Variants in NECTIN2 observed in about 807,000 individuals in gnomAD.
NECTIN2 encodes nectin cell adhesion molecule 2.
Under a neutral mutation model 56.9 loss-of-function variants are expected in NECTIN2, and 23 were observed. The observed-to-expected ratio is 0.40, with a 90% confidence interval of 0.29 to 0.57. The LOEUF is 0.57. NECTIN2 is among the 20% of genes least tolerant of loss of function. The pLI is 0.38. For synonymous variants in NECTIN2, 302 were observed against 313.8 expected (o/e 0.96, Z 0.40); for missense variants, 587 against 718.3 (o/e 0.82, Z 2.09).
At chr19:44,862,197 G>A (rs986753032) in intron 1 of NECTIN2, among the ~76,000 whole-genome samples, 8 of 152,118 alleles carry the variant, frequency 5.3e-5, no homozygotes, top group African/African-American at 9.7e-5. Context: ...GGCGGATCAC[G>A]AGGTCAGGAG....
chr19:44,882,798 T>C (rs919346550), intron 6 of NECTIN2, among the ~76,000 whole-genome samples: 1 of 141,544 alleles, frequency 7.1e-6, no homozygotes, highest in Non-Finnish European at 1.5e-5. Flanking sequence ...TTTTTTTTTT[T>C]TGTGACGGAG....
At position 44,865,321 on chromosome 19, in the gene NECTIN2, G is replaced by A. The variant is rs199754326; in HGVS notation, c.139G>A (p.Gly47Arg). The change falls in exon 2 of 9, where the codon GGG (glycine) becomes AGG (arginine). Residue 47 changes from glycine to arginine, a missense_variant. Physicochemically the swap from Gly to Arg is moderately radical, Grantham distance 125. Transcript: ENST00000252483. This position sits in a 1 kb window ranked among gnomAD's most constrained non-coding sequence, Gnocchi z 5.2. Reference protein sequence around the residue: ...QVLPEVRGQLGGTVELPCHLL... With the variant: ...QVLPEVRGQLRGTVELPCHLL... Reference sequence around the variant, plus strand: ...GCTACCCGAGGTGCGAGGCCAGCTCGGGGGCACCGTGGAGCTGCCGTGCCA... The same window carrying A: ...GCTACCCGAGGTGCGAGGCCAGCTCAGGGGCACCGTGGAGCTGCCGTGCCA... 5.8e-5 allele frequency: 94 copies of A among 1,613,866 alleles called. No individual in the cohort carries two copies. The highest frequency in any genetic ancestry group is 3.7e-4 in the Admixed American group (22 of 59,996).
At chr19:44,864,086 G>A (rs1054799505) in intron 1 of NECTIN2, among the ~76,000 whole-genome samples, 1 of 149,582 alleles carries the variant, frequency 6.7e-6, no homozygotes, top group African/African-American at 2.4e-5. Context: ...TATAATCCCA[G>A]CACTTTGAGA....
Position 44,874,147 on chromosome 19 carries a change from A to G in NECTIN2, c.893+114A>G. 3 of 1,216,308 alleles carry G rather than the reference A, an allele frequency of 2.5e-6. No individual in the cohort carries two copies. The highest frequency in any genetic ancestry group is 3.5e-6 in the Non-Finnish European group (3 of 862,450). The allele number at this position is 1,216,308 out of a possible 1,614,324, so 75.3% of individuals were successfully genotyped here. A position where few individuals can be genotyped will look rare whatever the true frequency, so the allele number is the denominator to read the frequency against. On this transcript the variant is annotated intron_variant, in intron 4 of 8. Coordinates refer to ENST00000252483, the MANE Select transcript of NECTIN2 (RefSeq NM_001042724.2). This position sits in a 1 kb window ranked among gnomAD's most constrained non-coding sequence, Gnocchi z 6.3. ...CCTGGACTCCTGGATCTGAGGGAGG[A>G]GGGGCTGGGCCTAAATTCCTAAGTC...
chr19:44,866,085 T>C (rs779453378), intron 2 of NECTIN2, among the ~76,000 whole-genome samples: 23 of 151,774 alleles, frequency 1.5e-4, no homozygotes, highest in Non-Finnish European at 3.2e-4. Flanking sequence ...GTCAGGAGAA[T>C]CGCTTGAACC....
intron 1 of NECTIN2, among the ~76,000 whole-genome samples, chr19:44,852,294 C>T (rs577577750): frequency 5.0e-4 from 76 of 152,094 alleles, no homozygotes; most frequent in African/African-American, 1.8e-3. Flanking sequence ...GGATTACAGG[C>T]AGGTGCCACC....
chr19:44,879,565 A>T lies in NECTIN2; in HGVS notation c.1043-2646A>T, dbSNP rs185416696. Among the ~76,000 whole-genome samples the T allele has an allele frequency of 1.5e-3, 230 of 151,942 alleles. 2 individuals carry two copies. Among genetic ancestry groups the T allele is most frequent in the African/African-American group, 5.4e-3 (225 of 41,440 alleles). On this transcript the variant is annotated intron_variant, in intron 5 of 8. Coordinates refer to ENST00000252483, the MANE Select transcript of NECTIN2 (RefSeq NM_001042724.2). Reference sequence around the variant, plus strand: ...TTGCCCCCAGGGATCACCCCAGGGGACTTTTCAGTGGCTCCCTGGGAGTGG... The same window carrying T: ...TTGCCCCCAGGGATCACCCCAGGGGTCTTTTCAGTGGCTCCCTGGGAGTGG...
chr19:44,858,035 G>T (rs544813117), intron 1 of NECTIN2, among the ~76,000 whole-genome samples: 36 of 152,208 alleles, frequency 2.4e-4, no homozygotes, highest in Non-Finnish European at 4.0e-4. Context: ...GGGCAGCTGT[G>T]CAGGAACCAC....
intron 8 of NECTIN2, 113 bp from the exon 9 acceptor site, chr19:44,887,997 C>A: frequency 8.8e-7 from 1 of 1,138,290 alleles, no homozygotes; most frequent in South Asian, 1.4e-5. Flanking sequence ...AGTGAGGTGG[C>A]ATCTTGTTGG....
chr19:44,883,557 G>A (rs1969330595), intron 6 of NECTIN2, among the ~76,000 whole-genome samples: 1 of 152,214 alleles, frequency 6.6e-6, no homozygotes, highest in Non-Finnish European at 1.5e-5. Flanking sequence ...TCACAAGCAT[G>A]AGCCACTGCG....
chr19:44,847,056 G>T (rs1361716006), intron 1 of NECTIN2, among the ~76,000 whole-genome samples: 1 of 152,124 alleles, frequency 6.6e-6, no homozygotes, highest in South Asian at 2.1e-4. Flanking sequence ...CGAGGAAGAG[G>T]CGAGACCACC....
At chr19:44,848,666 C>CCT (rs141171177) in intron 1 of NECTIN2, among the ~76,000 whole-genome samples, 3 of 150,206 alleles carry the variant, frequency 2.0e-5, no homozygotes, top group East Asian at 2.0e-4. Flanking sequence ...GCTCGCTCTC[C>CCT]CTCTCTCTCT....
chr19:44,852,044 C>T (rs1968905392), intron 1 of NECTIN2, among the ~76,000 whole-genome samples: 1 of 152,160 alleles, frequency 6.6e-6, no homozygotes, highest in Non-Finnish European at 1.5e-5. Flanking sequence ...CCTCCGTCCC[C>T]ACAGCCCCGA....
chr19:44,856,184 C>G (rs1027018791), intron 1 of NECTIN2, among the ~76,000 whole-genome samples: 1 of 152,164 alleles, frequency 6.6e-6, no homozygotes, highest in Non-Finnish European at 1.5e-5. Flanking sequence ...GCCTGTAATC[C>G]CAGCTACTCG....
chr19:44,874,688 C>T lies in NECTIN2; in HGVS notation c.1042+210C>T. 5.0e-6 allele frequency: 3 copies of T among 598,632 alleles called. No homozygotes were observed. The highest frequency in any genetic ancestry group is 2.0e-5 in the South Asian group (1 of 50,838). 37.1% of individuals were successfully genotyped at this position (598,632 alleles called of 1,614,324 possible). ...GGGGTGTCGGGGTAGGTGAAGGCAG[C>T]AGAGTTGGGGGGTTGAGGACTTTGC... On this transcript the variant is annotated intron_variant, in intron 5 of 8. Coordinates refer to ENST00000252483, the MANE Select transcript of NECTIN2 (RefSeq NM_001042724.2). The surrounding 1 kb of genome is among the most constrained non-coding windows in gnomAD (Gnocchi z 6.3).
At chr19:44,879,081 G>C in intron 5 of NECTIN2, 1 of 273,546 alleles carries the variant, frequency 3.7e-6, no homozygotes, top group Non-Finnish European at 5.7e-6. Flanking sequence ...TTAGACTGGG[G>C]AAGGCTGTGG....
chr19:44,880,263 C>A (rs1449040229), intron 5 of NECTIN2, among the ~76,000 whole-genome samples: 1 of 151,862 alleles, frequency 6.6e-6, no homozygotes, highest in African/African-American at 2.4e-5. Context: ...CAGTGCCATG[C>A]TGAGTCCTCC....
intron 5 of NECTIN2, among the ~76,000 whole-genome samples, chr19:44,881,473 T>TC (rs1231749695): frequency 1.4e-5 from 2 of 147,402 alleles, no homozygotes; most frequent in African/African-American, 2.5e-5. Flanking sequence ...GCCCAGGAGT[T>TC]CAAGACCAGC....
rs112767029 is a variant in NECTIN2 at position 44,875,342 on chromosome 19, C to T, written c.1042+864C>T. Among the ~76,000 whole-genome samples, 101 of 151,982 alleles carry T rather than the reference C, an allele frequency of 6.6e-4. No individual in the cohort carries two copies. The highest frequency in any genetic ancestry group is 2.3e-3 in the African/African-American group (96 of 41,468). On this transcript the variant is annotated intron_variant, in intron 5 of 8. Coordinates refer to ENST00000252483, the MANE Select transcript of NECTIN2 (RefSeq NM_001042724.2). This position sits in a 1 kb window ranked among gnomAD's most constrained non-coding sequence, Gnocchi z 4.2. ...GTGTAGTGGCGCAATCTCAGCTCACCGCAACCTCCGCCTCCCGGGTTCAAG... is the reference window on the plus strand; with the variant it reads ...GTGTAGTGGCGCAATCTCAGCTCACTGCAACCTCCGCCTCCCGGGTTCAAG...
Sources: allele counts gnomAD v4.1 joint callset (sites outside exome capture counted in the v4.1 genomes callset), GRCh38; gene constraint gnomAD v4.1.1; non-coding constraint Gnocchi (gnomAD v3.1); transcripts MANE v1.5; gene names NCBI Gene and HGNC (gene_info 2026-07-23, HGNC 2026-07-21).